The following KALRN variants were observed in gnomAD, a reference collection of about 807,000 sequenced individuals.
KALRN encodes the protein kalirin RhoGEF kinase, also known as kalirin.
A neutral mutation model predicts 353.7 loss-of-function variants in KALRN; 70 were observed. The observed-to-expected ratio is 0.20, with a 90% confidence interval of 0.16 to 0.24. KALRN has a LOEUF of 0.24. KALRN is among the 10% of genes least tolerant of loss of function. The probability of loss-of-function intolerance (pLI) is 1.00; values close to 1 mark genes in which losing one functional copy is unlikely to be tolerated. For synonymous variants in KALRN, 1,391 were observed against 1,434.8 expected (o/e 0.97, Z 0.69); for missense variants, 2,791 against 3,756.7 (o/e 0.74, Z 6.72).
At chr3:124,135,143 A>G (rs1489745178) in intron 1 of KALRN, among the ~76,000 whole-genome samples, 1 of 152,240 alleles carries the variant, frequency 6.6e-6, no homozygotes, top group Non-Finnish European at 1.5e-5. Context: ...CCATCAATCA[A>G]TGAGTGGATA....
chr3:124,555,450 TAA>T (rs2071116694), intron 33 of KALRN, among the ~76,000 whole-genome samples: 12 of 148,558 alleles, frequency 8.1e-5, no homozygotes, highest in African/African-American at 2.8e-4. Context: ...AATAAATAAA[TAA>T]ATAAATAAAT....
At chr3:124,569,849 A>G (rs2073320040) in intron 34 of KALRN, among the ~76,000 whole-genome samples, 1 of 152,196 alleles carries the variant, frequency 6.6e-6, no homozygotes, top group Non-Finnish European at 1.5e-5. Context: ...TAGTAATCAG[A>G]GACAGATTTT....
At chr3:124,421,303 G>A (rs953531478) in intron 14 of KALRN, among the ~76,000 whole-genome samples, 5 of 152,134 alleles carry the variant, frequency 3.3e-5, no homozygotes, top group Admixed American at 6.6e-5. Flanking sequence ...GCAACAAGTC[G>A]GAGACAGTTA....
chr3:124,479,707 C>G (rs1223412501), intron 27 of KALRN, among the ~76,000 whole-genome samples: 3 of 147,420 alleles, frequency 2.0e-5, no homozygotes, highest in African/African-American at 5.0e-5. Flanking sequence ...CACATTCACA[C>G]GATCCAGAAT....
At position 124,146,874 on chromosome 3, in the gene KALRN, C is replaced by CAAAAAAAAAA. The variant is rs34633708; in HGVS notation, c.74-81105_74-81096dup. 5.1e-3 allele frequency among the ~76,000 whole-genome samples: 254 copies of CAAAAAAAAAA among 49,530 alleles called. 4 individuals carry two copies. The highest frequency in any genetic ancestry group is 6.0e-3 in the African/African-American group (75 of 12,538). 32.5% of individuals were successfully genotyped at this position (49,530 alleles called of 152,430 possible). A position where few individuals can be genotyped will look rare whatever the true frequency, so the allele number is the denominator to read the frequency against. On this transcript the variant is annotated intron_variant, in intron 1 of 59. Coordinates refer to ENST00000682506, the MANE Select transcript of KALRN (RefSeq NM_001388419.1). ...CCTGGGCAATAGAGCGACTCTGTCT[C>CAAAAAAAAAA]AAAAAAAAAAAAAAAAAAAAGAAAA...
chr3:124,466,238 G>A (rs943375386), intron 25 of KALRN, among the ~76,000 whole-genome samples: 1 of 152,050 alleles, frequency 6.6e-6, no homozygotes, highest in Non-Finnish European at 1.5e-5. Context: ...ATGATACTTC[G>A]TTTTGCCCTC....
intron 33 of KALRN, among the ~76,000 whole-genome samples, chr3:124,533,682 G>A (rs1012375403): frequency 1.3e-5 from 2 of 152,110 alleles, no homozygotes; most frequent in East Asian, 1.9e-4. Context: ...AAACTGTTGA[G>A]CATATGTCAT....
chr3:124,294,907 C>A (rs1237406726), intron 5 of KALRN, among the ~76,000 whole-genome samples: 1 of 152,166 alleles, frequency 6.6e-6, no homozygotes, highest in African/African-American at 2.4e-5. Flanking sequence ...ACTATCTCTT[C>A]AAATGAGGAG....
At chr3:124,665,170 G>T (rs922406124) in intron 45 of KALRN, among the ~76,000 whole-genome samples, 2 of 152,300 alleles carry the variant, frequency 1.3e-5, no homozygotes, top group Middle Eastern at 3.4e-3. Flanking sequence ...TGTGCCAAAG[G>T]GTAGAGTTGC....
chr3:124,112,547 C>T (rs1197900948), intron 1 of KALRN, among the ~76,000 whole-genome samples: 2 of 152,120 alleles, frequency 1.3e-5, no homozygotes, highest in East Asian at 1.9e-4. Context: ...GGAATTTATC[C>T]TGCCTGTCCC....
chr3:124,188,557 A>G (rs1304031492), intron 1 of KALRN, among the ~76,000 whole-genome samples: 3 of 152,174 alleles, frequency 2.0e-5, no homozygotes, highest in Non-Finnish European at 2.9e-5. Flanking sequence ...ATGTGCCAGC[A>G]CAAGCAGTGG....
intron 57 of KALRN, among the ~76,000 whole-genome samples, chr3:124,711,440 A>G (rs192013891): frequency 3.0e-4 from 45 of 152,308 alleles, no homozygotes; most frequent in African/African-American, 1.1e-3. Flanking sequence ...GGTGGCCATG[A>G]CACACCCATT....
chr3:124,403,301 C>T (rs902496889), intron 13 of KALRN, among the ~76,000 whole-genome samples: 14 of 152,234 alleles, frequency 9.2e-5, no homozygotes, highest in African/African-American at 3.1e-4. Flanking sequence ...CACATATATG[C>T]ATATTTATAT....
intron 33 of KALRN, among the ~76,000 whole-genome samples, chr3:124,531,517 G>C (rs978987862): frequency 7.2e-5 from 11 of 152,264 alleles, no homozygotes; most frequent in African/African-American, 2.6e-4. Context: ...AATTTGTAAA[G>C]AAAAGAAGTT....
chr3:124,378,782 T>A (rs1055328098), intron 10 of KALRN, among the ~76,000 whole-genome samples: 2 of 152,046 alleles, frequency 1.3e-5, no homozygotes, highest in Non-Finnish European at 2.9e-5. Flanking sequence ...TCTGCTATCA[T>A]CCTTATCTTT....
At chr3:124,176,169 T>C (rs2072713125) in intron 1 of KALRN, among the ~76,000 whole-genome samples, 1 of 152,158 alleles carries the variant, frequency 6.6e-6, no homozygotes, top group Admixed American at 6.5e-5. Context: ...TCAATCTTCC[T>C]AAAACAGCAA....
chr3:124,287,641 T>C (rs1344585752), intron 5 of KALRN, among the ~76,000 whole-genome samples: 1 of 151,086 alleles, frequency 6.6e-6, no homozygotes, highest in African/African-American at 2.4e-5. Flanking sequence ...GGGTTAAATA[T>C]GATACCAGCT....
chr3:124,080,021 T>C lies in KALRN; in HGVS notation c.73+46208T>C, dbSNP rs1360851269. The C allele has an allele frequency of 8.5e-6, 4 of 471,154 alleles. No homozygotes were observed. The East Asian group carries it at 2.8e-4, about 33-fold the overall frequency. 29.2% of individuals were successfully genotyped at this position (471,154 alleles called of 1,614,324 possible). ...GAATCCCCATAGCATTTCTTTCCTC[T>C]AGTTGCATTCTATGTTGCCAGTGTT... is the stretch of plus-strand genomic sequence containing the variant. On this transcript the variant is annotated intron_variant, in intron 1 of 59. Transcript: ENST00000682506.
rs150310200 is a variant in KALRN, at chr3:124,696,170, G to A, written c.7614G>A (p.Leu2538=). 673 of 1,613,934 alleles carry A rather than the reference G, an allele frequency of 4.2e-4. 2 individuals are homozygous for A. Among genetic ancestry groups the A allele is most frequent in the Middle Eastern group, 3.5e-3 (21 of 6,060 alleles). The change falls in exon 54 of 60, where the codon CTG becomes CTA. Residue 2538 remains leucine, a synonymous_variant. Coordinates refer to ENST00000682506, the MANE Select transcript of KALRN (RefSeq NM_001388419.1). ...SGEITLKICN[L]MPQDSGIYTC... is the part of the protein sequence containing the mutation. ...AAATCACCCTGAAGATCTGTAATCT[G>A]ATGCCCCAAGACAGTGGGATTTATA...
Sources: allele counts gnomAD v4.1 joint callset (sites outside exome capture counted in the v4.1 genomes callset), GRCh38; gene constraint gnomAD v4.1.1; transcripts MANE v1.5; gene names NCBI Gene and HGNC (gene_info 2026-07-23, HGNC 2026-07-21).